The following SLC4A2 variants were observed in gnomAD, a reference collection of about 807,000 sequenced individuals.
SLC4A2 encodes the protein anion exchange protein 2.
SLC4A2 carries 36 observed loss-of-function variants against 115.0 expected under a neutral mutation model. That is an observed-to-expected ratio of 0.31 (90% CI 0.24 to 0.41). SLC4A2 has a LOEUF of 0.41. Among genes scored for constraint, SLC4A2 ranks in the 10% least tolerant of loss-of-function variants. The pLI is 1.00. For synonymous variants in SLC4A2, 708 were observed against 708.3 expected, an observed-to-expected ratio of 1.00 and a Z score of 0.01; for missense variants, 1,252 against 1,705.6, an observed-to-expected ratio of 0.73 and a Z score of 4.68.
In SLC4A2 at chr7:151,066,633, G is replaced by A; in HGVS notation, c.695G>A (p.Ser232Asn). 6.5e-7 allele frequency: 1 copy of A among 1,550,242 alleles called. No individual in the cohort carries two copies. Among genetic ancestry groups the A allele is most frequent in the Non-Finnish European group, 8.7e-7 (1 of 1,146,926 alleles). Reference protein sequence around the residue: ...PLPKAQPGHRSYNLQERRRIG... With the variant: ...PLPKAQPGHRNYNLQERRRIG... ...CCCAAAGCCCAGCCTGGGCACCGCA[G>A]CTACAACCTTCAGGAGAGGAGGCGC... is the stretch of plus-strand genomic sequence containing the variant. Residue 232 changes from serine (S) to asparagine (N), a missense_variant, in exon 6 of 23, where the codon AGC becomes AAC. Coordinates refer to ENST00000413384, the MANE Select transcript of SLC4A2 (RefSeq NM_003040.4).
chr7:151,066,452 C>T (rs1250840389), intron 5 of SLC4A2, 65 bp from the exon 6 acceptor site: 10 of 1,442,476 alleles, frequency 6.9e-6, no homozygotes, highest in Admixed American at 5.5e-5. Context: ...CTACCGCCTG[C>T]GTGGGTGCTG....
Position 151,074,125 on chromosome 7 carries a change from A to C in SLC4A2, c.2622A>C (p.Ala874=). The C allele has an allele frequency of 6.2e-7, 1 of 1,612,442 alleles. No individual in the cohort carries two copies. Among genetic ancestry groups the C allele is most frequent in the Non-Finnish European group, 8.5e-7 (1 of 1,179,816 alleles). The change falls in exon 17 of 23, where the codon GCA becomes GCC. Residue 874 remains alanine, a synonymous_variant. Coordinates refer to ENST00000413384, the MANE Select transcript of SLC4A2 (RefSeq NM_003040.4). ...DGGENMTWAG[A]RPTLGPGNRS... ...GTGAGAACATGACATGGGCCGGGGC[A>C]AGACCCACGCTGGGGCCGGGCAACA...
In SLC4A2 at chr7:151,060,677, ACT is replaced by A. The variant is rs976383125; in HGVS notation, c.-64+919_-64+920del. Among the ~76,000 whole-genome samples, 1 of 150,764 alleles carries A rather than the reference ACT, an allele frequency of 6.6e-6. No homozygotes were observed. The highest frequency in any genetic ancestry group is 2.4e-5 in the African/African-American group (1 of 40,876). Reference sequence around the variant, plus strand: ...GGGCGCCTGCAGGTGCTCTGGGCGGACTCTCCCCACACCCTTCCCAGACTGGG... The same window carrying A: ...GGGCGCCTGCAGGTGCTCTGGGCGGACTCCCCACACCCTTCCCAGACTGGG... On this transcript the variant is annotated intron_variant, in intron 1 of 22. Coordinates refer to ENST00000413384, the MANE Select transcript of SLC4A2 (RefSeq NM_003040.4). This position sits in a 1 kb window ranked among gnomAD's most constrained non-coding sequence, Gnocchi z 5.9.
In SLC4A2 at chr7:151,067,011, A is replaced by G; in HGVS notation, c.966+18A>G. The stretch of plus-strand genomic sequence containing the variant: ...CCCATGAGGTACCATGCTCTGCTTC[A>G]TGCTCTTCCATCAACTTCCCACACG... On this transcript the variant is annotated intron_variant, in intron 7 of 22. Coordinates refer to ENST00000413384, the MANE Select transcript of SLC4A2 (RefSeq NM_003040.4). The G allele has an allele frequency of 6.4e-7, 1 of 1,564,388 alleles. No homozygotes were observed.
rs754686126 is a variant in SLC4A2, at chr7:151,075,683, G to A, written c.3379G>A (p.Val1127Ile). ...VLFGIFLYMGVTSLNGIQFYE... is the reference protein window; with the variant it reads ...VLFGIFLYMGITSLNGIQFYE... ...CTTTGGAATTTTCCTGTACATGGGA[G>A]TCACCTCCCTTAACGGGATCCAGTT... Residue 1127 changes from valine to isoleucine, a missense_variant, in exon 21 of 23, where the codon GTC becomes ATC. By Grantham distance (29) the Val-to-Ile change is conservative. Around this residue, in one of 14 missense-constraint regions of SLC4A2, gnomAD observed 253 missense variants for 407.4 expected, o/e 0.62. Transcript: ENST00000413384. The A allele has an allele frequency of 4.5e-5, 73 of 1,611,920 alleles. No individual in the cohort carries two copies. The highest frequency in any genetic ancestry group is 6.1e-5 in the Non-Finnish European group (72 of 1,179,076).
intron 8 of SLC4A2, among the ~76,000 whole-genome samples, chr7:151,068,330 G>A (rs922330568): frequency 3.3e-5 from 5 of 152,158 alleles, no homozygotes; most frequent in Admixed American, 1.3e-4. Context: ...CCATCTTAGA[G>A]ATTCTGTGGA....
Position 151,064,925 on chromosome 7 carries a change from C to T in SLC4A2, c.537C>T (p.His179=), listed in dbSNP as rs1349601099. The change falls in exon 5 of 23, where the codon CAC becomes CAT. Residue 179 remains histidine, a synonymous_variant. Transcript: ENST00000413384. ...TSPSSPAPLP[H]QEATPRASKG... Reference sequence around the variant, plus strand: ...CATCTTCCCCTGCACCACTGCCCCACCAGGAGGCGACTCCTCGGGCCTCCA... The same window carrying T: ...CATCTTCCCCTGCACCACTGCCCCATCAGGAGGCGACTCCTCGGGCCTCCA... The T allele has an allele frequency of 3.7e-6, 6 of 1,613,746 alleles. No individual in the cohort carries two copies. Among genetic ancestry groups the T allele is most frequent in the Non-Finnish European group, 5.1e-6 (6 of 1,179,954 alleles).
chr7:151,064,922 C>G lies in SLC4A2; in HGVS notation c.534C>G (p.Pro178=). 2 of 1,613,908 alleles carry G rather than the reference C, an allele frequency of 1.2e-6. No individual in the cohort carries two copies. The highest frequency in any genetic ancestry group is 1.1e-5 in the South Asian group (1 of 91,086). Residue 178 remains proline, a synonymous_variant, in exon 5 of 23, where the codon CCC becomes CCG. Transcript: ENST00000413384. ...RTSPSSPAPL[P]HQEATPRASK... ...GTCCATCTTCCCCTGCACCACTGCC[C>G]CACCAGGAGGCGACTCCTCGGGCCT...
Position 151,064,611 on chromosome 7 carries a change from C to A in SLC4A2, c.303C>A (p.Gly101=). 1 of 1,613,482 alleles carries A rather than the reference C, an allele frequency of 6.2e-7. No homozygotes were observed. The highest frequency in any genetic ancestry group is 8.5e-7 in the Non-Finnish European group (1 of 1,179,896). ...CACGCCGCCGCAAGACACCCCAGGG[C>A]CCAGGACGGAAGCCTCGAAGGCGCC... ...PDARRRKTPQ[G]PGRKPRRRPG... Residue 101 remains glycine, a synonymous_variant, in exon 4 of 23, where the codon GGC becomes GGA. Coordinates refer to ENST00000413384, the MANE Select transcript of SLC4A2 (RefSeq NM_003040.4).
At chr7:151,075,542 A>G (rs1797595832) in intron 20 of SLC4A2, 34 bp downstream of exon 20, 1 of 1,593,316 alleles carries the variant, frequency 6.3e-7, no homozygotes, top group Non-Finnish European at 8.5e-7. Context: ...TTCCCAGTGG[A>G]TTCCCCAGGG....
At position 151,060,009 on chromosome 7, in the gene SLC4A2, C is replaced by G. The variant is rs1260883829; in HGVS notation, c.-64+247C>G. The G allele has an allele frequency of 6.6e-6, 1 of 152,172 alleles. No individual in the cohort carries two copies. The highest frequency in any genetic ancestry group is 1.5e-5 in the Non-Finnish European group (1 of 68,062). 9.4% of individuals were successfully genotyped at this position (152,172 alleles called of 1,614,324 possible). A position where few individuals can be genotyped will look rare whatever the true frequency, so the allele number is the denominator to read the frequency against. ...TAAAGCCAGGGTGCCGCGCCCCCTG[C>G]CACCAGGAGGGGGTAGTCTCCCCGA... On this transcript the variant is annotated intron_variant, in intron 1 of 22. Coordinates refer to ENST00000413384, the MANE Select transcript of SLC4A2 (RefSeq NM_003040.4). The surrounding 1 kb of genome is among the most constrained non-coding windows in gnomAD (Gnocchi z 5.9).
At chr7:151,064,170 T>G in intron 2 of SLC4A2, 32 bp from the exon 3 acceptor site, 1 of 1,605,562 alleles carries the variant, frequency 6.2e-7, no homozygotes, top group Non-Finnish European at 8.5e-7. Flanking sequence ...CAGTGAGCCC[T>G]GTGTGTTTTC....
At position 151,070,582 on chromosome 7, in the gene SLC4A2, C is replaced by T. The variant is rs372403332; in HGVS notation, c.1564+11C>T. On this transcript the variant is annotated intron_variant, in intron 11 of 22. Coordinates refer to ENST00000413384, the MANE Select transcript of SLC4A2 (RefSeq NM_003040.4). ...CGGTGGTCCTTGTGGGTATGTGGGG[C>T]AGGTCACATGTAGGGGGCTTGGTGG... is the stretch of plus-strand genomic sequence containing the variant. The T allele has an allele frequency of 2.6e-4, 422 of 1,609,300 alleles. 1 individual carries two copies. The highest frequency in any genetic ancestry group is 3.4e-4 in the Non-Finnish European group (396 of 1,176,732).
chr7:151,062,980 G>T, intron 2 of SLC4A2: 1 of 1,415,906 alleles, frequency 7.1e-7, no homozygotes, highest in Non-Finnish European at 9.2e-7. Flanking sequence ...GCATACCCCC[G>T]CCCTTGGAGA....
chr7:151,064,387 A>T lies in SLC4A2; in HGVS notation c.217+20A>T. The T allele has an allele frequency of 1.7e-4, 26 of 156,344 alleles. No individual in the cohort carries two copies. Among genetic ancestry groups the T allele is most frequent in the Non-Finnish European group, 2.9e-4 (26 of 90,098 alleles). 9.7% of individuals were successfully genotyped at this position (156,344 alleles called of 1,614,324 possible). A position where few individuals can be genotyped will look rare whatever the true frequency, so the allele number is the denominator to read the frequency against. ...TTGAGTGTGAGGGGGCAGGCAGGGG[A>T]GGGGGAGGTGGGGGGATCAGGTTTG... On this transcript the variant is annotated intron_variant, in intron 3 of 22. Transcript: ENST00000413384.
chr7:151,066,413 C>G (rs1797232794), intron 5 of SLC4A2, 104 bp from the exon 6 acceptor site: 1 of 1,346,326 alleles, frequency 7.4e-7, no homozygotes, highest in Non-Finnish European at 9.8e-7. Context: ...CTAGGAGGGC[C>G]TGGAGTCCGA....
At chr7:151,069,172 C>G (rs907948388) in intron 8 of SLC4A2, among the ~76,000 whole-genome samples, 5 of 62,562 alleles carry the variant, frequency 8.0e-5, no homozygotes, top group East Asian at 6.6e-4. Flanking sequence ...AGCTGAGGAC[C>G]TAGAAACCGG....
intron 17 of SLC4A2, 39 bp from the exon 18 acceptor site, chr7:151,074,360 G>C: frequency 6.2e-7 from 1 of 1,612,230 alleles, no homozygotes; most frequent in South Asian, 1.1e-5. Context: ...GTCAGCGGCT[G>C]TGGTGGCAGG....
chr7:151,066,673 T>A lies in SLC4A2; in HGVS notation c.735T>A (p.Thr245=). The A allele has an allele frequency of 6.4e-7, 1 of 1,551,210 alleles. No homozygotes were observed. Among genetic ancestry groups the A allele is most frequent in the Non-Finnish European group, 8.7e-7 (1 of 1,147,230 alleles). Residue 245 remains threonine (T), a synonymous_variant, in exon 6 of 23, where the codon ACT becomes ACA. Coordinates refer to ENST00000413384, the MANE Select transcript of SLC4A2 (RefSeq NM_003040.4). ...LQERRRIGSM[T]GAEQALLPRV... Reference sequence around the variant, plus strand: ...AGAGGAGGCGCATCGGGAGCATGACTGGGGCTGAGCAGGCACTGCTGCCCC... The same window carrying A: ...AGAGGAGGCGCATCGGGAGCATGACAGGGGCTGAGCAGGCACTGCTGCCCC...
Sources: gnomAD v4.1 joint callset for allele counts (sites outside exome capture counted in the v4.1 genomes callset) on GRCh38, gnomAD v4.1.1 for gene constraint, gnomAD v4.1.1 regional missense constraint, Gnocchi (gnomAD v3.1) non-coding constraint, MANE v1.5 for transcripts, NCBI Gene and HGNC (gene_info 2026-07-23, HGNC 2026-07-21) for gene names.